Variants in KIF13A observed in about 807,000 individuals in gnomAD.
The protein encoded by KIF13A is kinesin family member 13A.
Under a neutral mutation model 212.2 loss-of-function variants are expected in KIF13A, and 79 were observed. The ratio of observed to expected loss-of-function variants is 0.37; its 90% CI spans 0.31 to 0.45. KIF13A has a LOEUF of 0.45. KIF13A is among the 20% of genes least tolerant of loss of function. The pLI, the probability that KIF13A is intolerant of heterozygous loss-of-function variation, is 1.00. For missense variants in KIF13A, 1,901 were observed against 2,209.0 expected (o/e 0.86, Z 2.79); for synonymous variants, 789 against 808.6 (o/e 0.98, Z 0.41).
At chr6:17,797,656 G>T (rs1175100423) in intron 22 of KIF13A, among the ~76,000 whole-genome samples, 2 of 152,130 alleles carry the variant, frequency 1.3e-5, no homozygotes, top group Non-Finnish European at 2.9e-5. Flanking sequence ...AGCACTTCGG[G>T]AGGCCAAGGC....
intron 2 of KIF13A, among the ~76,000 whole-genome samples, chr6:17,962,585 C>T (rs917415620): frequency 2.6e-5 from 4 of 152,082 alleles, no homozygotes; most frequent in African/African-American, 4.8e-5. Flanking sequence ...CCATCTGTAC[C>T]GGCCCTGCCC....
chr6:17,950,787 T>C (rs1392457293), intron 2 of KIF13A: 11 of 978,810 alleles, frequency 1.1e-5, no homozygotes, highest in African/African-American at 1.8e-5. Flanking sequence ...AAATCTCTAA[T>C]TACTAAAGGA....
At chr6:17,766,944 G>T (rs926942494) in intron 38 of KIF13A, among the ~76,000 whole-genome samples, 1 of 152,152 alleles carries the variant, frequency 6.6e-6, no homozygotes, top group Non-Finnish European at 1.5e-5. Context: ...TTGTAAAAAT[G>T]TGACTGAAAA....
chr6:17,850,733 A>C lies in KIF13A; in HGVS notation c.583-276T>G, dbSNP rs1767560118. 6.6e-6 allele frequency among the ~76,000 whole-genome samples: 1 copy of C among 152,116 alleles called. No homozygotes were observed. The highest frequency in any genetic ancestry group is 2.1e-4 in the South Asian group (1 of 4,830). ...TCCTTTTTGGGTTCCTGGGATAGCT[A>C]ATATTTATTGAGCACTCCGATAATC... is the stretch of plus-strand genomic sequence containing the variant. On this transcript the variant is annotated intron_variant, in intron 7 of 38. Coordinates refer to ENST00000259711, the MANE Select transcript of KIF13A (RefSeq NM_022113.6). This position sits in a 1 kb window ranked among gnomAD's most constrained non-coding sequence, Gnocchi z 6.2.
intron 2 of KIF13A, among the ~76,000 whole-genome samples, chr6:17,909,907 T>A (rs1773886828): frequency 2.0e-5 from 3 of 150,608 alleles, no homozygotes; most frequent in Admixed American, 6.6e-5. Flanking sequence ...AGAGAGAGAG[T>A]GGGGAAAAAA....
intron 2 of KIF13A, among the ~76,000 whole-genome samples, chr6:17,933,878 T>C (rs1776224842): frequency 1.3e-5 from 2 of 152,200 alleles, no homozygotes; most frequent in African/African-American, 4.8e-5. Context: ...CCTGGCACAG[T>C]GGCTTAATAA....
Position 17,898,197 on chromosome 6 carries a change from A to G in KIF13A, c.147-17T>C, listed in dbSNP as rs1390713402. 6.2e-7 allele frequency: 1 copy of G among 1,613,006 alleles called. No individual in the cohort carries two copies. The highest frequency in any genetic ancestry group is 1.1e-5 in the South Asian group (1 of 90,914). On this transcript the variant is annotated splice_polypyrimidine_tract_variant and intron_variant, in intron 2 of 38. Coordinates refer to ENST00000259711, the MANE Select transcript of KIF13A (RefSeq NM_022113.6). This position sits in a 1 kb window ranked among gnomAD's most constrained non-coding sequence, Gnocchi z 5.2. ...GGAGGTTTCCTTAATGATGGGAAAA[A>G]AAAAATTCAGCAGCAGGGATACAGA...
chr6:17,838,492 A>C lies in KIF13A; in HGVS notation c.831-909T>G, dbSNP rs1043362570. ...ATAATTCCCCAAAGACGAGTCACTG[A>C]AAAGTCCCCGAAATATAATATAAAC... On this transcript the variant is annotated intron_variant, in intron 9 of 38. Coordinates refer to ENST00000259711, the MANE Select transcript of KIF13A (RefSeq NM_022113.6). The surrounding 1 kb of genome is among the most constrained non-coding windows in gnomAD (Gnocchi z 4.2). Among the ~76,000 whole-genome samples the C allele has an allele frequency of 2.0e-5, 3 of 152,176 alleles. No individual in the cohort carries two copies. The highest frequency in any genetic ancestry group is 1.9e-4 in the East Asian group (1 of 5,186).
chr6:17,972,817 C>G (rs1355637778), intron 2 of KIF13A, among the ~76,000 whole-genome samples: 3 of 123,772 alleles, frequency 2.4e-5, no homozygotes, highest in African/African-American at 9.6e-5. Context: ...TGTTCCTTGT[C>G]TTTGAGAGAG....
intron 11 of KIF13A, among the ~76,000 whole-genome samples, chr6:17,835,478 A>C (rs185751457): frequency 7.9e-5 from 12 of 152,248 alleles, no homozygotes; most frequent in African/African-American, 2.9e-4. Context: ...CCCTTCTTAC[A>C]ATCTATCTGA....
At chr6:17,858,418 A>T (rs1313065640) in intron 4 of KIF13A, among the ~76,000 whole-genome samples, 5 of 152,234 alleles carry the variant, frequency 3.3e-5, no homozygotes, top group Non-Finnish European at 5.9e-5. Context: ...CAAAATTATT[A>T]TCTGCTTCAC....
rs201293936 is a variant in KIF13A, at chr6:17,807,389, G to GA, written c.2163+1378dup. 6.4e-4 allele frequency among the ~76,000 whole-genome samples: 98 copies of GA among 152,164 alleles called. 2 individuals carry two copies. In the East Asian group the frequency reaches 0.018, roughly 28 times the overall value. On this transcript the variant is annotated intron_variant, in intron 18 of 38. Transcript: ENST00000259711. ...GGAGGTCTATAAACGGCCGCTCTGG[G>GA]AATGTCTTACCTGGTTGAGATAAGC...
At chr6:17,936,643 C>T (rs1776490965) in intron 2 of KIF13A, among the ~76,000 whole-genome samples, 1 of 152,140 alleles carries the variant, frequency 6.6e-6, no homozygotes, top group Non-Finnish European at 1.5e-5. Flanking sequence ...CACAGTAATC[C>T]TATAATGTGG....
Position 17,961,098 on chromosome 6 carries a change from G to C in KIF13A, c.146+25956C>G, listed in dbSNP as rs546840205. Among the ~76,000 whole-genome samples the C allele has an allele frequency of 2.0e-5, 3 of 152,232 alleles. No individual in the cohort carries two copies. The highest frequency in any genetic ancestry group is 7.2e-5 in the African/African-American group (3 of 41,460). On this transcript the variant is annotated intron_variant, in intron 2 of 38. Coordinates refer to ENST00000259711, the MANE Select transcript of KIF13A (RefSeq NM_022113.6). The surrounding 1 kb of genome is among the most constrained non-coding windows in gnomAD (Gnocchi z 4.1). ...GGGCTTAATGTTAAGCCAAGGGTCA[G>C]AGAAAGATTCTTAAAGGAAGACGTA...
Position 17,773,844 on chromosome 6 carries a change from C to T in KIF13A, c.4219-261G>A, listed in dbSNP as rs1249664749. ...AAAATTATTACAAATGTAGTGTGAT[C>T]TTTTGGTCCCATTCATCTTCCTTCC... is the stretch of plus-strand genomic sequence containing the variant. On this transcript the variant is annotated intron_variant, in intron 35 of 38. Coordinates refer to ENST00000259711, the MANE Select transcript of KIF13A (RefSeq NM_022113.6). This position sits in a 1 kb window ranked among gnomAD's most constrained non-coding sequence, Gnocchi z 4.2. Among the ~76,000 whole-genome samples the T allele has an allele frequency of 2.0e-5, 3 of 152,094 alleles. No individual in the cohort carries two copies. The highest frequency in any genetic ancestry group is 2.9e-5 in the Non-Finnish European group (2 of 68,030).
chr6:17,980,192 C>G (rs1202199689), intron 2 of KIF13A, among the ~76,000 whole-genome samples: 1 of 152,130 alleles, frequency 6.6e-6, no homozygotes, highest in East Asian at 1.9e-4. Flanking sequence ...AACTTCTCAA[C>G]AGAAGCACTG....
At chr6:17,985,310 T>G (rs577736767) in intron 2 of KIF13A, among the ~76,000 whole-genome samples, 1 of 152,294 alleles carries the variant, frequency 6.6e-6, no homozygotes, top group East Asian at 1.9e-4. Context: ...AAGATCCTGA[T>G]TAGTAACTAA....
In KIF13A at chr6:17,768,931, A is replaced by G. The variant is rs141404168; in HGVS notation, c.4581+2183T>C. Among the ~76,000 whole-genome samples, 391 of 150,338 alleles carry G rather than the reference A, an allele frequency of 2.6e-3. 2 individuals carry two copies. The highest frequency in any genetic ancestry group is 0.01 in the Middle Eastern group (3 of 290). The stretch of plus-strand genomic sequence containing the variant: ...ATCTGTATGTCTTCCCAAATTGATC[A>G]AACAACAAAATATTGCTTAAAGAAT... On this transcript the variant is annotated intron_variant, in intron 38 of 38. Transcript: ENST00000259711. This position sits in a 1 kb window ranked among gnomAD's most constrained non-coding sequence, Gnocchi z 5.4.
intron 2 of KIF13A, among the ~76,000 whole-genome samples, chr6:17,907,405 T>A (rs1360187781): frequency 6.6e-6 from 1 of 152,172 alleles, no homozygotes; most frequent in Non-Finnish European, 1.5e-5. Flanking sequence ...TGGATAGCAA[T>A]CCATGTGGAT....
Sources: allele counts gnomAD v4.1 joint callset (sites outside exome capture counted in the v4.1 genomes callset), GRCh38; gene constraint gnomAD v4.1.1; non-coding constraint Gnocchi (gnomAD v3.1); transcripts MANE v1.5; gene names NCBI Gene and HGNC (gene_info 2026-07-23, HGNC 2026-07-21).